The following MTCL1 variants were observed in gnomAD, a reference collection of about 807,000 sequenced individuals.
The protein encoded by MTCL1 is microtubule cross-linking factor 1.
A neutral mutation model predicts 141.4 loss-of-function variants in MTCL1; 79 were observed. The ratio of observed to expected loss-of-function variants is 0.56; its 90% CI spans 0.47 to 0.67. The LOEUF is 0.67. MTCL1 is among the 30% of genes least tolerant of loss of function. The pLI is 0.00. For missense variants in MTCL1, 2,177 were observed against 2,113.9 expected (o/e 1.03, Z -0.59); for synonymous variants, 914 against 875.8 (o/e 1.04, Z -0.77).
At chr18:8,826,664 A>G (rs1021567395) in intron 15 of MTCL1, among the ~76,000 whole-genome samples, 1 of 152,192 alleles carries the variant, frequency 6.6e-6, no homozygotes, top group Non-Finnish European at 1.5e-5. Flanking sequence ...GGTCTGGACC[A>G]CATGAGCACG....
intron 4 of MTCL1, among the ~76,000 whole-genome samples, chr18:8,749,439 G>T (rs1307109007): frequency 1.3e-5 from 2 of 152,232 alleles, no homozygotes; most frequent in East Asian, 3.8e-4. Flanking sequence ...GGTGTTCGAT[G>T]CACTCTGAAG....
chr18:8,823,417 G>A (rs926874898), intron 14 of MTCL1, among the ~76,000 whole-genome samples: 2 of 152,194 alleles, frequency 1.3e-5, no homozygotes, highest in African/African-American at 2.4e-5. Context: ...AAGGACCAGG[G>A]TGTTGGCATG....
At chr18:8,756,075 T>C (rs1172011165) in intron 4 of MTCL1, among the ~76,000 whole-genome samples, 1 of 152,196 alleles carries the variant, frequency 6.6e-6, no homozygotes, top group Non-Finnish European at 1.5e-5. Context: ...AATTTGAGGC[T>C]ACAGTGGGCC....
chr18:8,819,030 G>A (rs1054270301), exon 13 of MTCL1: 9 of 1,614,244 alleles, frequency 5.6e-6, no homozygotes, highest in Admixed American at 1.7e-5. Context: ...GGCAACGTTC[G>A]CCCCTTTCCC....
At chr18:8,715,872 G>A (rs2096125545), upstream of MTCL1, among the ~76,000 whole-genome samples, 1 of 152,166 alleles carries the variant, frequency 6.6e-6, no homozygotes, top group African/African-American at 2.4e-5. Context: ...GTTTGTGGAA[G>A]GTTTGCAGAA....
intron 13 of MTCL1, among the ~76,000 whole-genome samples, chr18:8,820,289 A>G (rs1029215229): frequency 6.6e-6 from 1 of 152,090 alleles, no homozygotes; most frequent in Non-Finnish European, 1.5e-5. Flanking sequence ...GGGTGCCTGT[A>G]GTCCCAGCTA....
At chr18:8,821,178 C>T (rs1490283127) in intron 13 of MTCL1, among the ~76,000 whole-genome samples, 1 of 152,180 alleles carries the variant, frequency 6.6e-6, no homozygotes, top group Non-Finnish European at 1.5e-5. Context: ...TGAGGAAGCA[C>T]AGAAGAGCCA....
At chr18:8,825,197 C>G (rs776400433) in exon 15 of MTCL1, 11 of 1,581,554 alleles carry the variant, frequency 7.0e-6, no homozygotes, top group Non-Finnish European at 7.7e-6. Context: ...CCAAGGGAGG[C>G]CCTCCAGAAC....
chr18:8,801,660 A>C (rs1421778669), intron 10 of MTCL1: 1 of 152,208 alleles, frequency 6.6e-6, no homozygotes, highest in African/African-American at 2.4e-5. Flanking sequence ...GGCCTTCCAA[A>C]GTGCGTAACT....
At chr18:8,804,126 GA>G (rs1395742906) in intron 10 of MTCL1, among the ~76,000 whole-genome samples, 1 of 152,056 alleles carries the variant, frequency 6.6e-6, no homozygotes, top group Non-Finnish European at 1.5e-5. Context: ...ATCTAAAGAT[GA>G]AACTCCCAAA....
In MTCL1 at chr18:8,706,731, C is replaced by T. The variant is rs569893702; in HGVS notation, c.1053+18C>T. Reference sequence around the variant, plus strand: ...ATCTCAAGGTGAGCCGCGCCTCGGCCGCAGGTGTCCCGGGGCGCCCCCGGA... The same window carrying T: ...ATCTCAAGGTGAGCCGCGCCTCGGCTGCAGGTGTCCCGGGGCGCCCCCGGA... On this transcript the variant is annotated intron_variant, in intron 1 of 13. Transcript: ENST00000306329. 3 of 1,543,794 alleles carry T rather than the reference C, an allele frequency of 1.9e-6. No homozygotes were observed. The highest frequency in any genetic ancestry group is 1.7e-6 in the Non-Finnish European group (2 of 1,145,730).
intron 5 of MTCL1, among the ~76,000 whole-genome samples, chr18:8,780,665 T>C (rs772504973): frequency 2.0e-5 from 3 of 152,238 alleles, no homozygotes; most frequent in Non-Finnish European, 4.4e-5. Context: ...TTTCCATTGA[T>C]AGATATTTTA....
At chr18:8,786,112 C>CCCCT in intron 7 of MTCL1, 21 bp downstream of exon 6, 1 of 1,362,934 alleles carries the variant, frequency 7.3e-7, no homozygotes, top group South Asian at 1.3e-5. Context: ...GCAAGCAATC[C>CCCCT]CCCCCCCCCG....
chr18:8,760,181 A>G (rs1329002391), intron 4 of MTCL1, among the ~76,000 whole-genome samples: 1 of 152,134 alleles, frequency 6.6e-6, no homozygotes, highest in Admixed American at 6.5e-5. Context: ...AGTGAGTCCA[A>G]CCTGCCTCCT....
intron 7 of MTCL1, among the ~76,000 whole-genome samples, chr18:8,792,430 G>T (rs1347836220): frequency 6.6e-6 from 1 of 152,220 alleles, no homozygotes; most frequent in Admixed American, 6.5e-5. Context: ...CTGAAGCCGT[G>T]CATCTCTGCT....
At chr18:8,797,019 A>T (rs1173734580) in intron 9 of MTCL1, among the ~76,000 whole-genome samples, 1 of 152,238 alleles carries the variant, frequency 6.6e-6, no homozygotes, top group Non-Finnish European at 1.5e-5. Context: ...TTGTCCAGTT[A>T]TATATGAAAC....
chr18:8,773,980 C>G (rs1359656891), intron 4 of MTCL1, among the ~76,000 whole-genome samples: 1 of 152,124 alleles, frequency 6.6e-6, no homozygotes, highest in East Asian at 1.9e-4. Flanking sequence ...CAATTTTCAC[C>G]AATTTATTTT....
At chr18:8,772,483 A>T (rs1038734475) in intron 4 of MTCL1, among the ~76,000 whole-genome samples, 2 of 152,042 alleles carry the variant, frequency 1.3e-5, no homozygotes, top group African/African-American at 2.4e-5. Flanking sequence ...AGCCACAAAG[A>T]AAGAAAATGA....
intron 4 of MTCL1, among the ~76,000 whole-genome samples, chr18:8,749,199 A>G (rs1229356077): frequency 6.6e-6 from 1 of 152,248 alleles, no homozygotes; most frequent in African/African-American, 2.4e-5. Flanking sequence ...AAGGCATGGG[A>G]GAGCAATTGG....
Sources: allele counts gnomAD v4.1 joint callset (sites outside exome capture counted in the v4.1 genomes callset), GRCh38; gene constraint gnomAD v4.1.1; transcripts MANE v1.5; gene names NCBI Gene and HGNC (gene_info 2026-07-23, HGNC 2026-07-21).